The following SGCD variants were observed in gnomAD, a reference collection of about 807,000 sequenced individuals.
The protein encoded by SGCD is sarcoglycan delta.
SGCD carries 18 observed loss-of-function variants against 36.6 expected under a neutral mutation model. The ratio of observed to expected loss-of-function variants is 0.49; its 90% CI spans 0.34 to 0.73. SGCD has a LOEUF of 0.73. SGCD is among the 30% of genes least tolerant of loss of function. SGCD has a pLI of 0.01. For missense variants in SGCD, 387 were observed against 346.7 expected (o/e 1.12, Z -0.92); for synonymous variants, 133 against 130.6 (o/e 1.02, Z -0.12).
chr5:156,259,897 C>T (rs1765812593), intron 3 of SGCD, among the ~76,000 whole-genome samples: 2 of 152,116 alleles, frequency 1.3e-5, no homozygotes, highest in African/African-American at 4.8e-5. Flanking sequence ...AGGCACTCAC[C>T]AGATGCCAGT....
intron 4 of SGCD, among the ~76,000 whole-genome samples, chr5:156,533,135 T>G (rs560712880): frequency 6.6e-6 from 1 of 152,172 alleles, no homozygotes; most frequent in African/African-American, 2.4e-5. Flanking sequence ...GAGGAGACCA[T>G]GTTATTTCCT....
chr5:156,253,059 T>C lies in SGCD; in HGVS notation c.-43-76475T>C, dbSNP rs541760941. Among the ~76,000 whole-genome samples the C allele has an allele frequency of 2.0e-5, 3 of 152,342 alleles. No homozygotes were observed. In the South Asian group the frequency reaches 6.2e-4, roughly 32 times the overall value. On this transcript the variant is annotated intron_variant, in intron 3 of 9. Coordinates refer to the SGCD transcript ENST00000517913. The stretch of plus-strand genomic sequence containing the variant: ...AAGTAGTAAAAACCCATACAACTAC[T>C]TTAATTTTTAAAAATGTGTGTGTTG...
the SGCD span, among the ~76,000 whole-genome samples, chr5:155,746,617 T>C: frequency 6.6e-6 from 1 of 152,206 alleles, no homozygotes; most frequent in Non-Finnish European, 1.5e-5. Context: ...TGCTTTTGTC[T>C]AGTTTCCAGC....
At chr5:156,531,740 T>G (rs1757899199) in intron 4 of SGCD, among the ~76,000 whole-genome samples, 1 of 152,082 alleles carries the variant, frequency 6.6e-6, no homozygotes, top group Non-Finnish European at 1.5e-5. Flanking sequence ...TGCATAGCCT[T>G]ATGCATAAAT....
chr5:156,293,812 A>C (rs1195960003), intron 3 of SGCD, among the ~76,000 whole-genome samples: 1 of 152,122 alleles, frequency 6.6e-6, no homozygotes, highest in South Asian at 2.1e-4. Context: ...TTAAGGTTCC[A>C]TGTGAATTCT....
chr5:156,278,700 T>C (rs1260231613), intron 3 of SGCD, among the ~76,000 whole-genome samples: 1 of 152,166 alleles, frequency 6.6e-6, no homozygotes, highest in Non-Finnish European at 1.5e-5. Flanking sequence ...TTTTTTAAAT[T>C]TACCTTTTTC....
intron 4 of SGCD, among the ~76,000 whole-genome samples, chr5:156,518,800 C>G (rs1471817380): frequency 6.6e-6 from 1 of 152,122 alleles, no homozygotes; most frequent in Non-Finnish European, 1.5e-5. Context: ...TTCTTTGAAA[C>G]TAATGAGAAC....
intron 7 of SGCD, among the ~76,000 whole-genome samples, chr5:156,697,198 A>G (rs1754353968): frequency 6.6e-6 from 1 of 152,152 alleles, no homozygotes; most frequent in African/African-American, 2.4e-5. Context: ...CATAAATATA[A>G]TGAGTCACTG....
intron 3 of SGCD, among the ~76,000 whole-genome samples, chr5:156,407,791 T>A (rs1427120648): frequency 6.7e-6 from 1 of 148,900 alleles, no homozygotes; most frequent in Non-Finnish European, 1.5e-5. Context: ...ATTATATCAG[T>A]GGTGTTTAAT....
At position 156,765,199 on chromosome 5, in the gene SGCD, T is replaced by C. The variant is rs994972098; in HGVS notation, c.*5809T>C. Reference sequence around the variant, plus strand: ...ACTTTCCAATGGCTTCACATCCTACTTCTACATTTGGGGTTTTTTGGTGAA... The same window carrying C: ...ACTTTCCAATGGCTTCACATCCTACCTCTACATTTGGGGTTTTTTGGTGAA... On this transcript the variant is annotated 3_prime_UTR_variant, in exon 9 of 9. Transcript: ENST00000337851. The C allele has an allele frequency of 3.3e-5, 5 of 152,336 alleles. No individual in the cohort carries two copies. Among genetic ancestry groups the C allele is most frequent in the African/African-American group, 1.2e-4 (5 of 41,580 alleles). The allele number at this position is 152,336 out of a possible 1,614,324, so 9.4% of individuals were successfully genotyped here. A position where few individuals can be genotyped will look rare whatever the true frequency, so the allele number is the denominator to read the frequency against.
At chr5:155,827,902 G>A in the SGCD span, among the ~76,000 whole-genome samples, 1 of 148,186 alleles carries the variant, frequency 6.7e-6, no homozygotes, top group South Asian at 2.1e-4. Context: ...TGTTGGTCAG[G>A]CTGGTCTCGA....
At chr5:156,626,788 TC>T (rs59202982) in intron 6 of SGCD, among the ~76,000 whole-genome samples, 39,322 of 151,706 alleles carry the variant, frequency 0.26, 5,428 homozygotes, top group African/African-American at 0.36. Flanking sequence ...TATAATCCAC[TC>T]CCCCCCACCC....
intron 3 of SGCD, among the ~76,000 whole-genome samples, chr5:156,214,878 A>T (rs562606356): frequency 6.6e-6 from 1 of 152,104 alleles, no homozygotes; most frequent in Non-Finnish European, 1.5e-5. Flanking sequence ...TTCTGTTGGG[A>T]TAAATGGATA....
intron 7 of SGCD, among the ~76,000 whole-genome samples, chr5:156,675,406 A>C (rs1753467950): frequency 6.6e-6 from 1 of 152,182 alleles, no homozygotes; most frequent in African/African-American, 2.4e-5. Flanking sequence ...CTTCTTCCTT[A>C]TAGATAATGG....
chr5:155,911,051 A>G (rs748635976), intron 1 of SGCD, among the ~76,000 whole-genome samples: 11 of 152,076 alleles, frequency 7.2e-5, no homozygotes, highest in Admixed American at 2.0e-4. Context: ...CGGAATAGCA[A>G]TGCATTGTAT....
intron 7 of SGCD, among the ~76,000 whole-genome samples, chr5:156,717,390 C>T (rs555796907): frequency 6.6e-5 from 10 of 152,294 alleles, no homozygotes; most frequent in East Asian, 1.9e-4. Flanking sequence ...AAAACCATGA[C>T]GCTCCCTCAT....
chr5:155,903,958 A>G (rs1282467907), intron 1 of SGCD, among the ~76,000 whole-genome samples: 1 of 152,126 alleles, frequency 6.6e-6, no homozygotes, highest in East Asian at 1.9e-4. Context: ...AAGGTCTTTT[A>G]CAGCTGACTT....
intron 3 of SGCD, among the ~76,000 whole-genome samples, chr5:156,410,687 C>T (rs1772692931): frequency 6.6e-6 from 1 of 152,170 alleles, no homozygotes; most frequent in Non-Finnish European, 1.5e-5. Flanking sequence ...AGCGAATGAA[C>T]CTGTGAAACC....
intron 3 of SGCD, among the ~76,000 whole-genome samples, chr5:156,320,097 ATGTGTGTGTG>A (rs10535885): frequency 2.7e-5 from 4 of 146,194 alleles, no homozygotes; most frequent in Admixed American, 1.4e-4. Context: ...AGCCTTTGAT[ATGTGTGTGTG>A]TGTGTGTGTG....
Sources: allele counts gnomAD v4.1 joint callset (sites outside exome capture counted in the v4.1 genomes callset), GRCh38; gene constraint gnomAD v4.1.1; transcripts MANE v1.5; gene names NCBI Gene and HGNC (gene_info 2026-07-23, HGNC 2026-07-21).